AP1M1: variants seen among roughly 807,000 people sequenced by gnomAD.
AP1M1 encodes AP-1 complex subunit mu-1.
AP1M1 carries 18 observed loss-of-function variants against 57.1 expected under a neutral mutation model. The ratio of observed to expected loss-of-function variants is 0.32; its 90% confidence interval spans 0.22 to 0.47. The LOEUF (loss-of-function observed/expected upper bound fraction) is 0.47. Among genes scored for constraint, AP1M1 ranks in the 20% least tolerant of loss-of-function variants. The pLI is 1.00. For missense variants in AP1M1, 362 were observed against 593.5 expected (o/e 0.61, Z 4.05); for synonymous variants, 241 against 237.9 (o/e 1.01, Z -0.12).
Position 16,203,768 on chromosome 19 carries a change from A to T in AP1M1, c.199+153A>T, listed in dbSNP as rs1185154942. Among the ~76,000 whole-genome samples, 8 of 152,204 alleles carry T rather than the reference A, an allele frequency of 5.3e-5. No homozygotes were observed. The East Asian group carries it at 1.5e-3, about 29-fold the overall frequency. ...GGAGCTCCCTGCTGCCTGCGGAGACAGGCAGACAATGCACGATGACATGTG... is the reference window on the plus strand; with the variant it reads ...GGAGCTCCCTGCTGCCTGCGGAGACTGGCAGACAATGCACGATGACATGTG... On this transcript the variant is annotated intron_variant, in intron 2 of 11. Transcript: ENST00000291439. The surrounding 1 kb of genome is among the most constrained non-coding windows in gnomAD (Gnocchi z 4.6).
In AP1M1 at chr19:16,220,838, T is replaced by C. The variant is rs2091541022; in HGVS notation, c.547-5583T>C. 3.3e-5 allele frequency among the ~76,000 whole-genome samples: 5 copies of C among 152,378 alleles called. 1 individual carries two copies. In the South Asian group the frequency reaches 1.0e-3, roughly 32 times the overall value. ...TATGGACTTCTGAATTGACGGTTTTTGTTTAGCACTTTAATATGTTATACC... is the reference window on the plus strand; with the variant it reads ...TATGGACTTCTGAATTGACGGTTTTCGTTTAGCACTTTAATATGTTATACC... On this transcript the variant is annotated intron_variant, in intron 5 of 11. Coordinates refer to ENST00000291439, the MANE Select transcript of AP1M1 (RefSeq NM_032493.4).
At position 16,244,878 on chromosome 19, in the gene AP1M1, G is replaced by GT. The variant is rs745760766; in HGVS notation, c.*10445dup. On this transcript the variant is annotated 3_prime_UTR_variant, in exon 12 of 12. Coordinates refer to ENST00000291439, the MANE Select transcript of AP1M1 (RefSeq NM_032493.4). ...TAAATAAATAACATGGATAAAATTT[G>GT]TTGTTTGTTGTTGTTGTTGTTGTTG... is the stretch of plus-strand genomic sequence containing the variant. 2.6e-4 allele frequency: 15 copies of GT among 57,664 alleles called. No individual in the cohort carries two copies. Among genetic ancestry groups the GT allele is most frequent in the African/African-American group, 7.4e-4 (11 of 14,768 alleles). The allele number at this position is 57,664 out of a possible 1,614,324, so 3.6% of individuals were successfully genotyped here.
At position 16,236,939 on chromosome 19, in the gene AP1M1, A is replaced by T. The variant is rs946915202; in HGVS notation, c.*2504A>T. ...TTATCGGCATGTAAACAAATACACT[A>T]TGCAGTCAATCTGTTGCAAGTGCCT... On this transcript the variant is annotated 3_prime_UTR_variant, in exon 12 of 12. Coordinates refer to ENST00000291439, the MANE Select transcript of AP1M1 (RefSeq NM_032493.4). 2.6e-5 allele frequency: 4 copies of T among 152,266 alleles called. No individual in the cohort carries two copies. Among genetic ancestry groups the T allele is most frequent in the Non-Finnish European group, 5.9e-5 (4 of 68,046 alleles). The allele number at this position is 152,266 out of a possible 1,614,324, so 9.4% of individuals were successfully genotyped here.
intron 5 of AP1M1, among the ~76,000 whole-genome samples, chr19:16,215,927 C>CT (rs1389192700): frequency 6.6e-6 from 1 of 152,086 alleles, no homozygotes; most frequent in East Asian, 1.9e-4. Context: ...TCTTCAAGCT[C>CT]TGAGATTCTT....
At position 16,197,965 on chromosome 19, in the gene AP1M1, G is replaced by A; in HGVS notation, c.-62G>A. 2 of 1,074,550 alleles carry A rather than the reference G, an allele frequency of 1.9e-6. No homozygotes were observed. Among genetic ancestry groups the A allele is most frequent in the Non-Finnish European group, 2.3e-6 (2 of 857,058 alleles). The allele number at this position is 1,074,550 out of a possible 1,614,324, so 66.6% of individuals were successfully genotyped here. A position where few individuals can be genotyped will look rare whatever the true frequency, so the allele number is the denominator to read the frequency against. ...GCCCGGCCTTGCTCAACGCCCAGCA[G>A]TCCCCACCGTCGCTGCCGCCGCCAC... is the stretch of plus-strand genomic sequence containing the variant. On this transcript the variant is annotated 5_prime_UTR_variant, in exon 1 of 12. Transcript: ENST00000291439.
chr19:16,206,620 G>A lies in AP1M1; in HGVS notation c.267+212G>A. ...TGCTCCCCTACCGTGGGGAAGAAAG[G>A]AAAGTGAACAGGAAAAGGTAGGGCT... On this transcript the variant is annotated intron_variant, in intron 3 of 11. Coordinates refer to ENST00000291439, the MANE Select transcript of AP1M1 (RefSeq NM_032493.4). The surrounding 1 kb of genome is among the most constrained non-coding windows in gnomAD (Gnocchi z 4.3). The A allele has an allele frequency of 1.6e-6, 1 of 606,820 alleles. No individual in the cohort carries two copies. The highest frequency in any genetic ancestry group is 3.0e-6 in the Non-Finnish European group (1 of 337,016). The allele number at this position is 606,820 out of a possible 1,614,324, so 37.6% of individuals were successfully genotyped here.
In AP1M1 at chr19:16,203,608, C is replaced by T. The variant is rs1426946800; in HGVS notation, c.192C>T (p.Asn64=). The change falls in exon 2 of 12, where the codon AAC becomes AAT. Residue 64 remains asparagine, a synonymous_variant. Transcript: ENST00000291439. This position sits in a 1 kb window ranked among gnomAD's most constrained non-coding sequence, Gnocchi z 4.6. ...GTTTCATGTGGATCAAACACAACAA[C>T]CTGTATCGTATCCCTTTGCTGGGGG... The part of the protein sequence containing the change: ...GVRFMWIKHN[N]LYLVATSKKN... The T allele has an allele frequency of 6.2e-7, 1 of 1,609,142 alleles. No individual in the cohort carries two copies. Among genetic ancestry groups the T allele is most frequent in the East Asian group, 2.2e-5 (1 of 44,798 alleles).
At chr19:16,219,462 A>G (rs999762854) in intron 5 of AP1M1, among the ~76,000 whole-genome samples, 5 of 151,104 alleles carry the variant, frequency 3.3e-5, no homozygotes, top group Non-Finnish European at 5.9e-5. Context: ...CAATGGCACA[A>G]TCTCAGCTCA....
chr19:16,209,314 C>T, intron 5 of AP1M1, 137 bp downstream of exon 5: 1 of 940,292 alleles, frequency 1.1e-6, no homozygotes, highest in Non-Finnish European at 1.6e-6. Context: ...TTGGGCCACT[C>T]ATTGAAATGT....
rs759342576 is a variant in AP1M1, at chr19:16,197,985, C to T, written c.-42C>T. 2.0e-6 allele frequency: 3 copies of T among 1,537,416 alleles called. No homozygotes were observed. The highest frequency in any genetic ancestry group is 2.6e-6 in the Non-Finnish European group (3 of 1,143,500). ...CAGCAGTCCCCACCGTCGCTGCCGC[C>T]GCCACCGCCCTCGGCCGCTGCCGAG... On this transcript the variant is annotated 5_prime_UTR_variant, in exon 1 of 12. Transcript: ENST00000291439.
chr19:16,199,928 A>G (rs1253016855), intron 1 of AP1M1, among the ~76,000 whole-genome samples: 1 of 152,102 alleles, frequency 6.6e-6, no homozygotes, highest in Non-Finnish European at 1.5e-5. Flanking sequence ...CATTGGCGCC[A>G]TGGCTGTGGT....
intron 5 of AP1M1, among the ~76,000 whole-genome samples, chr19:16,217,181 G>T (rs2091522580): frequency 6.6e-6 from 1 of 152,184 alleles, no homozygotes; most frequent in Non-Finnish European, 1.5e-5. Flanking sequence ...GCTAGGGGTA[G>T]GTCCTCTGTT....
chr19:16,208,392 C>A (rs1456838275), intron 4 of AP1M1: 1 of 353,052 alleles, frequency 2.8e-6, no homozygotes, highest in Non-Finnish European at 5.2e-6. Context: ...CACACAGATG[C>A]CTTCAGTACC....
Position 16,198,083 on chromosome 19 carries a change from C to T in AP1M1, c.42+15C>T, listed in dbSNP as rs757385741. ...TGAAGGGCAAGGTACTGAGGGCTCC[C>T]CACCCTCCCTGTTGCCAGGCAACCG... On this transcript the variant is annotated intron_variant, in intron 1 of 11. Transcript: ENST00000291439. The T allele has an allele frequency of 5.0e-6, 8 of 1,595,468 alleles. No individual in the cohort carries two copies. Among genetic ancestry groups the T allele is most frequent in the Non-Finnish European group, 6.8e-6 (8 of 1,174,386 alleles).
chr19:16,206,206 G>A lies in AP1M1; in HGVS notation c.200-135G>A, dbSNP rs1346002908. Reference sequence around the variant, plus strand: ...CCAGGAGCTTTGTAGCCCACCATGGGCCAAGTAAACGGCTGGGAGTGGGGA... The same window carrying A: ...CCAGGAGCTTTGTAGCCCACCATGGACCAAGTAAACGGCTGGGAGTGGGGA... On this transcript the variant is annotated intron_variant, in intron 2 of 11. Transcript: ENST00000291439. The surrounding 1 kb of genome is among the most constrained non-coding windows in gnomAD (Gnocchi z 4.3). 3 of 876,044 alleles carry A rather than the reference G, an allele frequency of 3.4e-6. No homozygotes were observed. In the African/African-American group the frequency reaches 5.0e-5, roughly 15 times the overall value. 54.3% of individuals were successfully genotyped at this position (876,044 alleles called of 1,614,324 possible).
chr19:16,204,950 C>T (rs479831), intron 2 of AP1M1, among the ~76,000 whole-genome samples: 7 of 98,102 alleles, frequency 7.1e-5, no homozygotes, highest in Non-Finnish European at 1.5e-4. Context: ...CCTGCCTCAG[C>T]CTCCCGAGTA....
chr19:16,228,262 C>A lies in AP1M1; in HGVS notation c.888+54C>A, dbSNP rs572304128. The A allele has an allele frequency of 2.0e-5, 32 of 1,578,552 alleles. No individual in the cohort carries two copies. The highest frequency in any genetic ancestry group is 6.1e-6 in the Non-Finnish European group (7 of 1,154,484). ...GCCTTCTGGTGTCTCTGGCCCGTCCCAGGAGCCTAACCGAGGGCTGGGGGT... is the reference window on the plus strand; with the variant it reads ...GCCTTCTGGTGTCTCTGGCCCGTCCAAGGAGCCTAACCGAGGGCTGGGGGT... On this transcript the variant is annotated intron_variant, in intron 8 of 11. Transcript: ENST00000291439. This position sits in a 1 kb window ranked among gnomAD's most constrained non-coding sequence, Gnocchi z 5.0.
chr19:16,228,313 C>A lies in AP1M1; in HGVS notation c.888+105C>A. 1 of 1,168,104 alleles carries A rather than the reference C, an allele frequency of 8.6e-7. No individual in the cohort carries two copies. The highest frequency in any genetic ancestry group is 1.2e-6 in the Non-Finnish European group (1 of 806,934). 72.4% of individuals were successfully genotyped at this position (1,168,104 alleles called of 1,614,324 possible). A position where few individuals can be genotyped will look rare whatever the true frequency, so the allele number is the denominator to read the frequency against. On this transcript the variant is annotated intron_variant, in intron 8 of 11. Transcript: ENST00000291439. This position sits in a 1 kb window ranked among gnomAD's most constrained non-coding sequence, Gnocchi z 5.0. Reference sequence around the variant, plus strand: ...GCCGTAGGGCTGCCATCCGTGCACCCTCACTGTGGCCTCAGATGCAGGAGT... The same window carrying A: ...GCCGTAGGGCTGCCATCCGTGCACCATCACTGTGGCCTCAGATGCAGGAGT...
chr19:16,211,439 C>G (rs1446797445), intron 5 of AP1M1, among the ~76,000 whole-genome samples: 1 of 152,102 alleles, frequency 6.6e-6, no homozygotes, highest in Non-Finnish European at 1.5e-5. Context: ...GCATCTTTGT[C>G]TTGTGCCAGT....
Sources: gnomAD v4.1 joint callset for allele counts (sites outside exome capture counted in the v4.1 genomes callset) on GRCh38, gnomAD v4.1.1 for gene constraint, Gnocchi (gnomAD v3.1) non-coding constraint, MANE v1.5 for transcripts, NCBI Gene and HGNC (gene_info 2026-07-23, HGNC 2026-07-21) for gene names.